SEC16B: variants seen among roughly 807,000 people sequenced by gnomAD.
The protein encoded by SEC16B is SEC16 homolog B, endoplasmic reticulum export factor, also known as protein transport protein Sec16B.
SEC16B carries 115 observed loss-of-function variants against 141.8 expected under a neutral mutation model. That is an observed-to-expected ratio of 0.81 (90% confidence interval 0.70 to 0.95). The LOEUF is 0.95. Among genes scored for constraint, SEC16B ranks in the 40% least tolerant of loss-of-function variants. The pLI is 0.00. For missense variants in SEC16B, 1,291 were observed against 1,312.3 expected (o/e 0.98, Z 0.25); for synonymous variants, 493 against 492.5 (o/e 1.00, Z -0.01).
chr1:177,948,472 C>T, intron 12 of SEC16B: 1 of 1,304,092 alleles, frequency 7.7e-7, no homozygotes, highest in African/African-American at 1.5e-5. Flanking sequence ...AAGTCTAGTT[C>T]CTACTGCCAC....
chr1:177,968,686 A>G (rs1409393057), intron 1 of SEC16B, among the ~76,000 whole-genome samples: 2 of 152,196 alleles, frequency 1.3e-5, no homozygotes, highest in Non-Finnish European at 2.9e-5. Flanking sequence ...ATTAAACAAA[A>G]AGAAATTTAG....
chr1:177,955,241 A>C (rs1166410398), intron 10 of SEC16B, among the ~76,000 whole-genome samples: 1 of 152,112 alleles, frequency 6.6e-6, no homozygotes, highest in Non-Finnish European at 1.5e-5. Context: ...CACACCTGTA[A>C]TCCCTACACT....
chr1:177,943,688 G>A (rs1651454111), intron 15 of SEC16B, among the ~76,000 whole-genome samples: 1 of 152,220 alleles, frequency 6.6e-6, no homozygotes, highest in South Asian at 2.1e-4. Flanking sequence ...AGTGTCAGTG[G>A]GGGGCCCTGG....
In SEC16B at chr1:177,936,322, G is replaced by T. The variant is rs1307028606; in HGVS notation, c.2547C>A (p.Gly849=). The change falls in exon 20 of 26, where the codon GGC becomes GGA. Residue 849 remains glycine, a synonymous_variant. Coordinates refer to ENST00000308284, the MANE Select transcript of SEC16B (RefSeq NM_033127.4). ...CCTGTGGTTTGGAAATGACCTCTTG[G>T]CCATCAGGAGGCTGGGAAGTTTCTT... ...VSQETSQPPD[G]QEVISKPQTP... 6.2e-7 allele frequency: 1 copy of T among 1,611,006 alleles called. No homozygotes were observed. Among genetic ancestry groups the T allele is most frequent in the African/African-American group, 1.3e-5 (1 of 75,000 alleles).
chr1:177,957,247 A>G (rs536935076), intron 10 of SEC16B, among the ~76,000 whole-genome samples: 2 of 152,198 alleles, frequency 1.3e-5, no homozygotes, highest in Non-Finnish European at 2.9e-5. Context: ...GTGGTTGACA[A>G]AATTATAAAT....
At chr1:177,954,230 G>A (rs967680503) in intron 11 of SEC16B, 49 bp downstream of exon 11, 6 of 1,376,562 alleles carry the variant, frequency 4.4e-6, no homozygotes, top group Non-Finnish European at 5.1e-6. Flanking sequence ...CACCTTTGGT[G>A]AGGAGGCCTC....
chr1:177,940,299 C>T (rs1161980742), intron 17 of SEC16B, among the ~76,000 whole-genome samples: 1 of 152,182 alleles, frequency 6.6e-6, no homozygotes, highest in Non-Finnish European at 1.5e-5. Context: ...GATGGGGAAG[C>T]TTTGATGGTC....
At position 177,929,592 on chromosome 1, in the gene SEC16B, A is replaced by T; in HGVS notation, c.*266T>A. ...CCACCATAAGTGCCACCACCATGTC[A>T]CTCTGCTCATGTGCAGTCTGCTATT... On this transcript the variant is annotated 3_prime_UTR_variant, in exon 26 of 26. Coordinates refer to ENST00000308284, the MANE Select transcript of SEC16B (RefSeq NM_033127.4). The T allele has an allele frequency of 2.2e-6, 1 of 454,624 alleles. No individual in the cohort carries two copies. Among genetic ancestry groups the T allele is most frequent in the Non-Finnish European group, 4.0e-6 (1 of 249,466 alleles). The allele number at this position is 454,624 out of a possible 1,614,324, so 28.2% of individuals were successfully genotyped here. A position where few individuals can be genotyped will look rare whatever the true frequency, so the allele number is the denominator to read the frequency against.
At chr1:177,959,407 G>T in intron 8 of SEC16B, 1 of 226,070 alleles carries the variant, frequency 4.4e-6, no homozygotes, top group Non-Finnish European at 8.9e-6. Context: ...AAAATTGTGT[G>T]GCATATATTA....
intron 24 of SEC16B, among the ~76,000 whole-genome samples, chr1:177,931,470 AC>A (rs760578783): frequency 2.0e-5 from 3 of 152,286 alleles, no homozygotes; most frequent in Non-Finnish European, 4.4e-5. Context: ...ATTAGGTACA[AC>A]CCACATCCAC....
chr1:177,946,371 A>G (rs1651706461), intron 14 of SEC16B, 49 bp downstream of exon 14: 1 of 1,323,378 alleles, frequency 7.6e-7, no homozygotes, highest in African/African-American at 1.5e-5. Flanking sequence ...GGGCTAAAAC[A>G]GTCCCTTGGA....
rs561707651 is a variant in SEC16B, at chr1:177,950,081, G to A, written c.1545+1833C>T. Reference sequence around the variant, plus strand: ...GCACACTCTGTGCTACAAAATAGCCGGTTGATTTGATGATGGGGCATGAAA... The same window carrying A: ...GCACACTCTGTGCTACAAAATAGCCAGTTGATTTGATGATGGGGCATGAAA... On this transcript the variant is annotated intron_variant, in intron 12 of 25. Coordinates refer to ENST00000308284, the MANE Select transcript of SEC16B (RefSeq NM_033127.4). 1.9e-4 allele frequency among the ~76,000 whole-genome samples: 29 copies of A among 152,080 alleles called. No individual in the cohort carries two copies. In the South Asian group the frequency reaches 4.2e-3, roughly 22 times the overall value.
chr1:177,948,339 C>T, intron 12 of SEC16B: 1 of 1,304,150 alleles, frequency 7.7e-7, no homozygotes, highest in Non-Finnish European at 1.0e-6. Context: ...GTAGAAGAGG[C>T]CACAGCCTGT....
In SEC16B at chr1:177,937,407, G is replaced by C; in HGVS notation, c.2310C>G (p.Pro770=). 1 of 1,610,864 alleles carries C rather than the reference G, an allele frequency of 6.2e-7. No individual in the cohort carries two copies. Among genetic ancestry groups the C allele is most frequent in the Non-Finnish European group, 8.5e-7 (1 of 1,178,676 alleles). Residue 770 remains proline, a synonymous_variant, in exon 19 of 26, where the codon CCC becomes CCG. Transcript: ENST00000308284. The part of the protein sequence containing the change: ...LTPEQTCLLQ[P]SPQQPFPLQP... Reference sequence around the variant, plus strand: ...GGAGGGGAAAGGGCTGCTGTGGGCTGGGCTGGAGCAGGCAGGTCTGCTCAG... The same window carrying C: ...GGAGGGGAAAGGGCTGCTGTGGGCTCGGCTGGAGCAGGCAGGTCTGCTCAG...
At chr1:177,941,195 A>G (rs1282304179) in intron 16 of SEC16B, among the ~76,000 whole-genome samples, 1 of 152,228 alleles carries the variant, frequency 6.6e-6, no homozygotes, top group East Asian at 1.9e-4. Context: ...AGTTTTAGTT[A>G]CTGAAACTTT....
chr1:177,931,691 G>C (rs1650425781), intron 24 of SEC16B, among the ~76,000 whole-genome samples: 1 of 152,136 alleles, frequency 6.6e-6, no homozygotes, highest in African/African-American at 2.4e-5. Context: ...GTCTGGAGTG[G>C]CAATACTGAC....
At chr1:177,979,280 A>G (rs906231542) in intron 1 of SEC16B, among the ~76,000 whole-genome samples, 2 of 152,252 alleles carry the variant, frequency 1.3e-5, no homozygotes, top group African/African-American at 4.8e-5. Context: ...TAGATATTAA[A>G]TCATAAAAAT....
chr1:177,942,544 T>C (rs1333115762), intron 15 of SEC16B, among the ~76,000 whole-genome samples: 3 of 152,102 alleles, frequency 2.0e-5, no homozygotes, highest in Non-Finnish European at 4.4e-5. Flanking sequence ...GGCATGCACC[T>C]GTAGTCCCAG....
chr1:177,960,280 C>G (rs1416358289), intron 8 of SEC16B, 62 bp downstream of exon 8: 41 of 1,075,092 alleles, frequency 3.8e-5, no homozygotes, highest in Non-Finnish European at 5.6e-5. Flanking sequence ...AAATGCTGAT[C>G]TGGGCAGGAA....
Sources: gnomAD v4.1 joint callset for allele counts (sites outside exome capture counted in the v4.1 genomes callset) on GRCh38, gnomAD v4.1.1 for gene constraint, MANE v1.5 for transcripts, NCBI Gene and HGNC (gene_info 2026-07-23, HGNC 2026-07-21) for gene names.